Variants in CDH9 observed in about 807,000 individuals in gnomAD.
CDH9 encodes the protein cadherin 9.
In CDH9, 28 loss-of-function variants were observed where a neutral mutation model predicts 70.9. The observed-to-expected ratio is 0.40, with a 90% CI of 0.29 to 0.54. CDH9 has a LOEUF of 0.54. Ranked by LOEUF, CDH9 falls within the 20% of genes least tolerant of loss-of-function variation. The probability of loss-of-function intolerance (pLI) is 0.59; values close to 1 mark genes in which losing one functional copy is unlikely to be tolerated. For synonymous variants in CDH9, 409 were observed against 343.1 expected, an observed-to-expected ratio of 1.19 and a Z score of -2.12; for missense variants, 874 against 984.4, an observed-to-expected ratio of 0.89 and a Z score of 1.50.
At position 26,906,759 on chromosome 5, in the gene CDH9, T is replaced by A; in HGVS notation, c.603A>T (p.Ile201=). 6.2e-7 allele frequency: 1 copy of A among 1,613,302 alleles called. No individual in the cohort carries two copies. Residue 201 remains isoleucine (I), a synonymous_variant, in exon 4 of 12, where the codon ATA becomes ATT. Transcript: ENST00000231021. ...CTGAAAAATATGGCTGTCCTTGCAA[T>A]ATGCTATAGACCACTTTGGCACTAT... ...YGNSAKVVYS[I]LQGQPYFSVD...
chr5:26,885,824 G>C lies in CDH9; in HGVS notation c.1672C>G (p.Arg558Gly), dbSNP rs1255912071. 1.9e-6 allele frequency: 3 copies of C among 1,613,688 alleles called. No homozygotes were observed. Among genetic ancestry groups the C allele is most frequent in the Middle Eastern group, 1.7e-4 (1 of 6,060 alleles). The change falls in exon 11 of 12, where the codon CGC (arginine) becomes GGC (glycine). Residue 558 changes from arginine to glycine, a missense_variant. Arg to Gly is a moderately radical substitution (Grantham distance 125). Transcript: ENST00000231021. Reference sequence around the variant, plus strand: ...AATAAGTAGGTGCTCATTTTGTTGCGACTGTAGCCATCTTTCCGAGTCATG... The same window carrying C: ...AATAAGTAGGTGCTCATTTTGTTGCCACTGTAGCCATCTTTCCGAGTCATG... ...GIMTRKDGYS[R>G]NKMSTYLLPI...
intron 2 of CDH9, among the ~76,000 whole-genome samples, chr5:26,972,411 G>C (rs1561024241): frequency 6.6e-6 from 1 of 152,122 alleles, no homozygotes; most frequent in Non-Finnish European, 1.5e-5. Context: ...TTCTTATACA[G>C]TTGTCCCTCA....
intron 2 of CDH9, among the ~76,000 whole-genome samples, chr5:26,960,228 T>C (rs1028993143): frequency 1.3e-5 from 2 of 152,116 alleles, no homozygotes; most frequent in African/African-American, 4.8e-5. Flanking sequence ...CACTGAAATA[T>C]AAAGAAATGA....
At chr5:26,914,106 C>T (rs985325386) in intron 3 of CDH9, among the ~76,000 whole-genome samples, 2 of 151,638 alleles carry the variant, frequency 1.3e-5, no homozygotes, top group Non-Finnish European at 2.9e-5. Context: ...CAAATATTTC[C>T]ATTATCTTAA....
In CDH9 at chr5:26,915,682, T is replaced by C. The variant is rs753343237; in HGVS notation, c.471A>G (p.Pro157=). The change falls in exon 3 of 12, where the codon CCA becomes CCG. Residue 157 remains proline (P), a synonymous_variant. Transcript: ENST00000231021. The part of the protein sequence containing the change: ...IKIHDINDNE[P]KFTKDLYTAS... ...CAGTGTATAAGTCTTTTGTAAATTT[T>C]GGCTCATTGTCATTGATATCATGTA... is the stretch of plus-strand genomic sequence containing the variant. The C allele has an allele frequency of 1.2e-6, 2 of 1,609,758 alleles. No homozygotes were observed. Among genetic ancestry groups the C allele is most frequent in the Non-Finnish European group, 1.7e-6 (2 of 1,176,086 alleles).
chr5:27,006,291 A>G (rs910260485), intron 1 of CDH9, among the ~76,000 whole-genome samples: 1 of 152,178 alleles, frequency 6.6e-6, no homozygotes, highest in Non-Finnish European at 1.5e-5. Flanking sequence ...TGTTTACTGT[A>G]TGATTCATTT....
chr5:26,949,243 T>C (rs1337076272), intron 2 of CDH9, among the ~76,000 whole-genome samples: 1 of 152,160 alleles, frequency 6.6e-6, no homozygotes, highest in Non-Finnish European at 1.5e-5. Context: ...TCTCTAGATG[T>C]CAAATTTCTC....
intron 2 of CDH9, among the ~76,000 whole-genome samples, chr5:26,973,666 C>T (rs567485095): frequency 6.6e-6 from 1 of 152,234 alleles, no homozygotes; most frequent in African/African-American, 2.4e-5. Flanking sequence ...TGCCCTGATA[C>T]ATGTTAGGGA....
At chr5:26,960,810 C>CTT (rs10692090) in intron 2 of CDH9, among the ~76,000 whole-genome samples, 116,336 of 151,766 alleles carry the variant, frequency 0.77, 48,859 homozygotes, top group East Asian at 1. Flanking sequence ...TCTATCCACA[C>CTT]TGAAAATCTG....
intron 3 of CDH9, among the ~76,000 whole-genome samples, chr5:26,909,043 G>T (rs1741000056): frequency 6.6e-6 from 1 of 152,150 alleles, no homozygotes; most frequent in Non-Finnish European, 1.5e-5. Context: ...GAGTGCAGTG[G>T]CGCAATCTCG....
chr5:26,969,220 C>T (rs1467329829), intron 2 of CDH9, among the ~76,000 whole-genome samples: 1 of 152,164 alleles, frequency 6.6e-6, no homozygotes, highest in Non-Finnish European at 1.5e-5. Context: ...TGTATTTTCA[C>T]ATATATCTAA....
chr5:26,944,676 C>A (rs1434818112), intron 2 of CDH9, among the ~76,000 whole-genome samples: 1 of 151,974 alleles, frequency 6.6e-6, no homozygotes, highest in African/African-American at 2.4e-5. Flanking sequence ...ATAAATAAAA[C>A]AAAATAAAAA....
At chr5:26,924,764 C>T (rs981995826) in intron 2 of CDH9, among the ~76,000 whole-genome samples, 10 of 152,016 alleles carry the variant, frequency 6.6e-5, no homozygotes, top group African/African-American at 2.2e-4. Flanking sequence ...CAAATGTTCT[C>T]ATTGTTCAGT....
At chr5:27,014,505 T>C (rs1579513417) in intron 1 of CDH9, among the ~76,000 whole-genome samples, 1 of 151,896 alleles carries the variant, frequency 6.6e-6, no homozygotes, top group Non-Finnish European at 1.5e-5. Flanking sequence ...TATGTTGTAA[T>C]CCAAATAAAG....
intron 1 of CDH9, among the ~76,000 whole-genome samples, chr5:27,022,209 T>C (rs1030502214): frequency 6.6e-6 from 1 of 152,024 alleles, no homozygotes; most frequent in African/African-American, 2.4e-5. Flanking sequence ...AACATGCCAA[T>C]ATATAATCTC....
At position 27,023,573 on chromosome 5, in the gene CDH9, G is replaced by T. The variant is rs758422578; in HGVS notation, c.-50+14890C>A. On this transcript the variant is annotated intron_variant, in intron 1 of 11. Transcript: ENST00000231021. ...TTGTTTATTTGTTTGTTTGCTGCAGGGTCACTTTTTAAACAATTTCTCAGG... is the reference window on the plus strand; with the variant it reads ...TTGTTTATTTGTTTGTTTGCTGCAGTGTCACTTTTTAAACAATTTCTCAGG... 4.6e-5 allele frequency among the ~76,000 whole-genome samples: 7 copies of T among 151,688 alleles called. No homozygotes were observed. In the South Asian group the frequency reaches 1.0e-3, roughly 23 times the overall value.
chr5:27,002,956 A>T (rs925128703), intron 1 of CDH9, among the ~76,000 whole-genome samples: 2 of 152,090 alleles, frequency 1.3e-5, no homozygotes, highest in African/African-American at 4.8e-5. Context: ...AAGTAAAATA[A>T]AAAGACAAAA....
chr5:27,011,521 A>G (rs1326336351), intron 1 of CDH9, among the ~76,000 whole-genome samples: 1 of 152,096 alleles, frequency 6.6e-6, no homozygotes, highest in Middle Eastern at 3.2e-3. Flanking sequence ...CTATGGCCCT[A>G]TCAACACCTT....
intron 1 of CDH9, among the ~76,000 whole-genome samples, chr5:27,033,982 T>C (rs1356872980): frequency 6.6e-6 from 1 of 151,654 alleles, no homozygotes; most frequent in African/African-American, 2.4e-5. Flanking sequence ...TTCCGGTGTA[T>C]ATGCTTTATT....
Sources: allele counts gnomAD v4.1 joint callset (sites outside exome capture counted in the v4.1 genomes callset), GRCh38; gene constraint gnomAD v4.1.1; transcripts MANE v1.5; gene names NCBI Gene and HGNC (gene_info 2026-07-23, HGNC 2026-07-21).